The following ANXA4 variants were observed in gnomAD, a reference collection of about 807,000 sequenced individuals.
ANXA4 encodes the protein 35-beta calcimedin.
In ANXA4, 39 loss-of-function variants were observed where a neutral mutation model predicts 49.8. The observed-to-expected ratio is 0.78, with a 90% confidence interval of 0.61 to 1.02. ANXA4 has a LOEUF of 1.02. ANXA4 is among the 50% of genes least tolerant of loss of function. ANXA4 has a pLI of 0.00. For missense variants in ANXA4, 360 were observed against 410.1 expected, an observed-to-expected ratio of 0.88 and a Z score of 1.05; for synonymous variants, 134 against 152.5, an observed-to-expected ratio of 0.88 and a Z score of 0.89.
chr2:69,685,865 T>G (rs1677767975), intron 2 of ANXA4, among the ~76,000 whole-genome samples: 1 of 152,050 alleles, frequency 6.6e-6, no homozygotes, highest in Non-Finnish European at 1.5e-5. Flanking sequence ...GGACCTTGAT[T>G]TATAGCTCTG....
intron 3 of ANXA4, 109 bp from the exon 4 acceptor site, chr2:69,804,412 GGGCCTCTTTTCT>G: frequency 1.2e-6 from 1 of 810,298 alleles, no homozygotes; most frequent in Non-Finnish European, 2.0e-6. Context: ...CTCTGAATAA[GGGCCTCTTTTCT>G]TAGAAAGCCC....
intron 8 of ANXA4, among the ~76,000 whole-genome samples, chr2:69,814,342 C>CTTTTTTTTTTTTTTTTT (rs781253870): frequency 1.0e-5 from 1 of 97,312 alleles, no homozygotes; most frequent in Non-Finnish European, 1.9e-5. Flanking sequence ...GTATTTTATT[C>CTTTTTTTTTTTTTTTTT]TTTTTTTTTT....
intron 2 of ANXA4, among the ~76,000 whole-genome samples, chr2:69,682,288 C>T (rs1324769714): frequency 6.6e-6 from 1 of 152,070 alleles, no homozygotes; most frequent in Non-Finnish European, 1.5e-5. Flanking sequence ...GGTTTTCGTA[C>T]GTTCTATGTC....
At chr2:69,773,016 AAAAAAAAG>A (rs939149123) in intron 1 of ANXA4, among the ~76,000 whole-genome samples, 11 of 149,366 alleles carry the variant, frequency 7.4e-5, no homozygotes, top group African/African-American at 2.8e-4. Context: ...ACTGTCTCAA[AAAAAAAAG>A]AAAGAAAGAA....
chr2:69,708,479 C>T (rs1420326487), intron 2 of ANXA4, among the ~76,000 whole-genome samples: 3 of 152,036 alleles, frequency 2.0e-5, no homozygotes, highest in Non-Finnish European at 2.9e-5. Context: ...CCTGTGATCC[C>T]GGCTACTCGG....
chr2:69,820,954 C>T (rs1383432545), intron 12 of ANXA4, 133 bp downstream of exon 12: 3 of 1,010,882 alleles, frequency 3.0e-6, no homozygotes, highest in South Asian at 2.1e-5. Flanking sequence ...CCGATATTTC[C>T]AGTCTCTCCT....
intron 1 of ANXA4, among the ~76,000 whole-genome samples, chr2:69,760,308 A>G (rs768717826): frequency 5.9e-5 from 9 of 152,196 alleles, no homozygotes; most frequent in Non-Finnish European, 1.0e-4. Flanking sequence ...TCGTTTTTGA[A>G]TACACATATG....
rs566728481 is a variant in ANXA4, at chr2:69,811,942, G to A, written c.478-711G>A. On this transcript the variant is annotated intron_variant, in intron 7 of 12. Coordinates refer to ENST00000394295, the MANE Select transcript of ANXA4 (RefSeq NM_001153.5). ...TCGAGACAGTATAACAATAAAAATA[G>A]CCTAAAAACTAGAGGAAAGTAGCCC... is the stretch of plus-strand genomic sequence containing the variant. 4.8e-4 allele frequency among the ~76,000 whole-genome samples: 73 copies of A among 152,080 alleles called. 1 individual carries two copies. In the South Asian group the frequency reaches 0.015, roughly 31 times the overall value.
At chr2:69,818,107 T>C (rs1674078622) in intron 9 of ANXA4, 2 of 148,504 alleles carry the variant, frequency 1.3e-5, no homozygotes. Context: ...CATTCAAAAA[T>C]ACTTGGCAAA....
chr2:69,725,374 T>C (rs895185047), intron 3 of ANXA4, among the ~76,000 whole-genome samples: 1 of 148,384 alleles, frequency 6.7e-6, no homozygotes, highest in Admixed American at 6.7e-5. Context: ...TATATAAATT[T>C]ATTATTTATT....
At chr2:69,719,682 A>G (rs915552967) in intron 2 of ANXA4, among the ~76,000 whole-genome samples, 2 of 151,908 alleles carry the variant, frequency 1.3e-5, no homozygotes, top group Non-Finnish European at 2.9e-5. Context: ...CAAGTGATCC[A>G]CCTGCCTCAG....
In ANXA4 at chr2:69,707,675, C is replaced by T. The variant is rs550197667; in HGVS notation, n.767-13099C>T. Among the ~76,000 whole-genome samples the T allele has an allele frequency of 1.4e-4, 22 of 152,306 alleles. No homozygotes were observed. In the South Asian group the frequency reaches 4.1e-3, roughly 29 times the overall value. ...ATACAGGCATGCTACGCATAACAATCGCATCATATAAAATGGGGTATCCAT... is the reference window on the plus strand; with the variant it reads ...ATACAGGCATGCTACGCATAACAATTGCATCATATAAAATGGGGTATCCAT... On this transcript the variant is annotated intron_variant and non_coding_transcript_variant, in intron 2 of 3. Transcript: ENST00000418066.
chr2:69,778,054 C>T (rs1255372526), intron 1 of ANXA4, among the ~76,000 whole-genome samples: 2 of 152,190 alleles, frequency 1.3e-5, no homozygotes, highest in African/African-American at 4.8e-5. Flanking sequence ...GTACAATTTT[C>T]ACATGTAATA....
Position 69,691,180 on chromosome 2 carries a change from G to C in ANXA4, n.767-29594G>C, listed in dbSNP as rs1456723479. ...TCTTTGTCATCCAGGCTGGAGTGCA[G>C]TGGTGCTATCTCGGCTCACTGCAAC... is the stretch of plus-strand genomic sequence containing the variant. On this transcript the variant is annotated intron_variant and non_coding_transcript_variant, in intron 2 of 3. Coordinates refer to the ANXA4 transcript ENST00000418066. 2.0e-5 allele frequency among the ~76,000 whole-genome samples: 3 copies of C among 151,240 alleles called. No homozygotes were observed. The East Asian group carries it at 5.8e-4, about 29-fold the overall frequency.
At chr2:69,673,687 GACACACACACACACACACACACACACAC>G (rs72114703) in intron 2 of ANXA4, among the ~76,000 whole-genome samples, 18 of 139,222 alleles carry the variant, frequency 1.3e-4, no homozygotes, top group African/African-American at 4.5e-4. Flanking sequence ...TTTTTTCAAA[GACACACACACACACACACACACACACAC>G]ACACACACAC....
At chr2:69,717,430 C>G (rs369709306) in intron 2 of ANXA4, among the ~76,000 whole-genome samples, 1 of 152,104 alleles carries the variant, frequency 6.6e-6, no homozygotes, top group East Asian at 1.9e-4. Context: ...CTCATCGACA[C>G]AAGCAGGTGG....
intron 12 of ANXA4, among the ~76,000 whole-genome samples, chr2:69,823,796 T>C (rs550091106): frequency 6.6e-6 from 1 of 152,364 alleles, no homozygotes; most frequent in East Asian, 1.9e-4. Context: ...TCCTATGCTT[T>C]GGCACATCAA....
chr2:69,783,109 A>G (rs1373686339), intron 2 of ANXA4, among the ~76,000 whole-genome samples: 1 of 152,224 alleles, frequency 6.6e-6, no homozygotes, highest in Non-Finnish European at 1.5e-5. Context: ...CTTATGCTTT[A>G]TCTCTTCTCT....
chr2:69,692,535 T>C (rs1333736064), intron 2 of ANXA4, among the ~76,000 whole-genome samples: 1 of 152,224 alleles, frequency 6.6e-6, no homozygotes, highest in Non-Finnish European at 1.5e-5. Context: ...TTATGTTGTA[T>C]TATAATTGTT....
Sources: gnomAD v4.1 joint callset for allele counts (sites outside exome capture counted in the v4.1 genomes callset) on GRCh38, gnomAD v4.1.1 for gene constraint, MANE v1.5 for transcripts, NCBI Gene and HGNC (gene_info 2026-07-23, HGNC 2026-07-21) for gene names.